Variants in PSTPIP1 observed in about 807,000 individuals in gnomAD.
PSTPIP1 encodes proline-serine-threonine phosphatase interacting protein 1, also known as proline-serine-threonine phosphatase-interacting protein 1.
In PSTPIP1, 66 loss-of-function variants were observed where a neutral mutation model predicts 69.6. That is an observed-to-expected ratio of 0.95 (90% CI 0.78 to 1.16). PSTPIP1 has a LOEUF of 1.16. Among genes scored for constraint, PSTPIP1 ranks in the 50% most tolerant of loss-of-function variants. The probability of loss-of-function intolerance (pLI) is 0.00; values close to 1 mark genes in which losing one functional copy is unlikely to be tolerated. For missense variants in PSTPIP1, 603 were observed against 557.4 expected (o/e 1.08, Z -0.82); for synonymous variants, 266 against 222.7 (o/e 1.19, Z -1.73).
At chr15:77,009,568 C>A (rs1047700211) in intron 1 of PSTPIP1, among the ~76,000 whole-genome samples, 2 of 152,198 alleles carry the variant, frequency 1.3e-5, no homozygotes, top group African/African-American at 4.8e-5. Context: ...TGTAAACGCC[C>A]CTTCCCTGGG....
In PSTPIP1 at chr15:77,036,973, C is replaced by T. The variant is rs116799868; in HGVS notation, c.1120-72C>T. 1.5e-3 allele frequency: 2,324 copies of T among 1,566,622 alleles called. 17 individuals carry two copies. The African/African-American group carries it at 0.019, about 13-fold the overall frequency. The stretch of plus-strand genomic sequence containing the variant: ...CCGCATTTACTGCTGGGTGGGGGAA[C>T]GCCAGGCCCCTCCCTGCAGGCCCTT... On this transcript the variant is annotated intron_variant, in intron 14 of 14. Coordinates refer to ENST00000558012, the MANE Select transcript of PSTPIP1 (RefSeq NM_003978.5).
At chr15:77,014,747 ACACCAACACC>A (rs573591710) in intron 1 of PSTPIP1, among the ~76,000 whole-genome samples, 55 of 152,300 alleles carry the variant, frequency 3.6e-4, no homozygotes, top group African/African-American at 1.3e-3. Context: ...GCCGTGGCTC[ACACCAACACC>A]CACCAGAGAA....
In PSTPIP1 at chr15:77,032,920, T is replaced by C. The variant is rs755491182; in HGVS notation, c.897T>C (p.Pro299=). ...DREVTPLTSS[P]GIQPSCGMIK... Reference sequence around the variant, plus strand: ...AGGTCACCCCGCTGACCAGCAGCCCTGGCATACAGCCGTCCTGCGGCATGA... The same window carrying C: ...AGGTCACCCCGCTGACCAGCAGCCCCGGCATACAGCCGTCCTGCGGCATGA... The change falls in exon 12 of 15, where the codon CCT becomes CCC. Residue 299 remains proline, a synonymous_variant. Coordinates refer to ENST00000558012, the MANE Select transcript of PSTPIP1 (RefSeq NM_003978.5). 1 of 1,605,612 alleles carries C rather than the reference T, an allele frequency of 6.2e-7. No individual in the cohort carries two copies. Among genetic ancestry groups the C allele is most frequent in the South Asian group, 1.1e-5 (1 of 89,650 alleles).
intron 1 of PSTPIP1, among the ~76,000 whole-genome samples, chr15:77,000,458 GAGATAT>G (rs1398902989): frequency 2.3e-3 from 322 of 139,174 alleles, no homozygotes; most frequent in Admixed American, 3.9e-3. Flanking sequence ...CATTTAAAGA[GAGATAT>G]ATATATATAT....
Position 77,029,524 on chromosome 15 carries a change from C to A in PSTPIP1, c.517-5C>A. ...CTTAGCGCTGCTTCCCCTCTGTTTCCTCAGAGTCAGAACAAAGCCAGGCAG... is the reference window on the plus strand; with the variant it reads ...CTTAGCGCTGCTTCCCCTCTGTTTCATCAGAGTCAGAACAAAGCCAGGCAG... On this transcript the variant is annotated splice_region_variant and splice_polypyrimidine_tract_variant and intron_variant, in intron 7 of 14. Coordinates refer to ENST00000558012, the MANE Select transcript of PSTPIP1 (RefSeq NM_003978.5). 7.0e-6 allele frequency: 11 copies of A among 1,577,806 alleles called. No individual in the cohort carries two copies. Among genetic ancestry groups the A allele is most frequent in the Non-Finnish European group, 9.5e-6 (11 of 1,162,792 alleles).
At chr15:77,028,753 G>A (rs1292267079) in intron 7 of PSTPIP1, 101 bp downstream of exon 7, 14 of 1,044,034 alleles carry the variant, frequency 1.3e-5, no homozygotes, top group Non-Finnish European at 1.9e-5. Context: ...ATCTGCATCT[G>A]GGGATGCTGC....
At chr15:77,007,377 G>A (rs2075835384) in intron 1 of PSTPIP1, among the ~76,000 whole-genome samples, 1 of 152,144 alleles carries the variant, frequency 6.6e-6, no homozygotes, top group South Asian at 2.1e-4. Context: ...GAAAGCTGAG[G>A]CAGGTGGATT....
Position 77,025,622 on chromosome 15 carries a change from G to T in PSTPIP1, c.354+18G>T. 2.0e-6 allele frequency: 3 copies of T among 1,530,710 alleles called. No individual in the cohort carries two copies. Among genetic ancestry groups the T allele is most frequent in the Non-Finnish European group, 2.7e-6 (3 of 1,131,052 alleles). 94.8% of individuals were successfully genotyped at this position (1,530,710 alleles called of 1,614,324 possible). On this transcript the variant is annotated intron_variant, in intron 5 of 14. Transcript: ENST00000558012. ...GGAAGAAGGTGAGGCAGGTGCAGGG[G>T]GCGGGGGAGCTGCTCCCCCATTGCC...
At chr15:76,997,494 T>A (rs2075606480) in intron 1 of PSTPIP1, among the ~76,000 whole-genome samples, 1 of 152,264 alleles carries the variant, frequency 6.6e-6, no homozygotes, top group African/African-American at 2.4e-5. Context: ...TCTCAAGATG[T>A]ATGCATATTC....
chr15:77,029,516 T>C lies in PSTPIP1; in HGVS notation c.517-13T>C. 6.4e-7 allele frequency: 1 copy of C among 1,573,554 alleles called. No homozygotes were observed. The highest frequency in any genetic ancestry group is 8.6e-7 in the Non-Finnish European group (1 of 1,160,430). On this transcript the variant is annotated splice_polypyrimidine_tract_variant and intron_variant, in intron 7 of 14. Transcript: ENST00000558012. ...GGCAGGGGCTTAGCGCTGCTTCCCCTCTGTTTCCTCAGAGTCAGAACAAAG... is the reference window on the plus strand; with the variant it reads ...GGCAGGGGCTTAGCGCTGCTTCCCCCCTGTTTCCTCAGAGTCAGAACAAAG...
intron 1 of PSTPIP1, among the ~76,000 whole-genome samples, chr15:77,008,756 A>C (rs924490298): frequency 3.3e-5 from 5 of 152,124 alleles, no homozygotes; most frequent in African/African-American, 9.7e-5. Flanking sequence ...GTAAAACGTT[A>C]AATAGTGAGT....
chr15:77,031,204 C>T lies in PSTPIP1; in HGVS notation c.667C>T (p.Arg223Trp), dbSNP rs574957138. The change falls in exon 10 of 15, where the codon CGG (arginine) becomes TGG (tryptophan). Residue 223 changes from arginine (R) to tryptophan (W), a missense_variant. Physicochemically the swap from Arg to Trp is moderately radical, Grantham distance 101. Coordinates refer to ENST00000558012, the MANE Select transcript of PSTPIP1 (RefSeq NM_003978.5). ...CEAFQLQEFD[R>W]LTILRNALWV... ...GGCCTTTCAGCTGCAAGAGTTTGAC[C>T]GGCTGACCATTCTCCGCAACGCCCT... 6.2e-6 allele frequency: 10 copies of T among 1,612,884 alleles called. No individual in the cohort carries two copies. The highest frequency in any genetic ancestry group is 2.2e-5 in the East Asian group (1 of 44,884).
intron 1 of PSTPIP1, among the ~76,000 whole-genome samples, chr15:77,010,133 C>G (rs1339998184): frequency 6.6e-6 from 1 of 152,214 alleles, no homozygotes; most frequent in Non-Finnish European, 1.5e-5. Context: ...TCCTCACTTG[C>G]CCTCACTGTC....
At chr15:77,024,504 A>C (rs540691726) in intron 3 of PSTPIP1, 10 of 152,330 alleles carry the variant, frequency 6.6e-5, no homozygotes, top group Admixed American at 3.3e-4. Flanking sequence ...GGCTGCAGGG[A>C]GAGCCAGATA....
At position 76,999,094 on chromosome 15, in the gene PSTPIP1, C is replaced by A. The variant is rs761464423; in HGVS notation, c.36+3485C>A. On this transcript the variant is annotated intron_variant, in intron 1 of 14. Coordinates refer to ENST00000558012, the MANE Select transcript of PSTPIP1 (RefSeq NM_003978.5). ...CAGAGAAGGAAGGGTCCTCCCCCTG[C>A]CCCCAGTTTGTCGTGGCTCCACTCC... Among the ~76,000 whole-genome samples the A allele has an allele frequency of 2.6e-5, 4 of 152,146 alleles. No individual in the cohort carries two copies. In the East Asian group the frequency reaches 7.7e-4, roughly 29 times the overall value.
chr15:77,036,769 C>A (rs764170867), intron 14 of PSTPIP1, among the ~76,000 whole-genome samples: 2 of 152,112 alleles, frequency 1.3e-5, no homozygotes, highest in Non-Finnish European at 2.9e-5. Context: ...GCACCCGTGA[C>A]CCCTGACATG....
intron 6 of PSTPIP1, chr15:77,028,330 G>A (rs2076335215): frequency 1.9e-6 from 1 of 514,256 alleles, no homozygotes. Context: ...GGGGCAGGCC[G>A]CGCTGTCCTC....
intron 7 of PSTPIP1, 105 bp from the exon 8 acceptor site, chr15:77,029,424 C>A: frequency 7.5e-7 from 1 of 1,326,824 alleles, no homozygotes; most frequent in Non-Finnish European, 1.1e-6. Context: ...CCTGAATGTT[C>A]CCCCCAGGGT....
chr15:77,015,861 C>T, intron 1 of PSTPIP1: 1 of 452,074 alleles, frequency 2.2e-6, no homozygotes, highest in Non-Finnish European at 4.4e-6. Context: ...TCGGCCACAG[C>T]CCCTGCCAGC....
Sources: gnomAD v4.1 joint callset for allele counts (sites outside exome capture counted in the v4.1 genomes callset) on GRCh38, gnomAD v4.1.1 for gene constraint, MANE v1.5 for transcripts, NCBI Gene and HGNC (gene_info 2026-07-23, HGNC 2026-07-21) for gene names.